The following L3MBTL4 variants were observed in gnomAD, a reference collection of about 807,000 sequenced individuals.
The protein encoded by L3MBTL4 is lethal(3)malignant brain tumor-like protein 4.
L3MBTL4 carries 70 observed loss-of-function variants against 84.5 expected under a neutral mutation model. The observed-to-expected ratio is 0.83, with a 90% confidence interval of 0.68 to 1.01. The LOEUF is 1.01. L3MBTL4 is among the 50% of genes least tolerant of loss of function. L3MBTL4 has a pLI of 0.00. For synonymous variants in L3MBTL4, 274 were observed against 259.8 expected (o/e 1.05, Z -0.52); for missense variants, 715 against 754.8 (o/e 0.95, Z 0.62).
chr18:6,277,975 C>T (rs1286943820), intron 4 of L3MBTL4, among the ~76,000 whole-genome samples: 1 of 151,888 alleles, frequency 6.6e-6, no homozygotes, highest in Non-Finnish European at 1.5e-5. Context: ...GTGGAGGAAC[C>T]ATACCTATGT....
At chr18:6,209,898 A>G (rs2046033002) in intron 12 of L3MBTL4, among the ~76,000 whole-genome samples, 1 of 152,224 alleles carries the variant, frequency 6.6e-6, no homozygotes, top group Non-Finnish European at 1.5e-5. Flanking sequence ...AAAAGATCAC[A>G]TATTATAGGA....
Position 6,398,302 on chromosome 18 carries a change from A to G in L3MBTL4, c.-91+16499T>C, listed in dbSNP as rs2055360548. 2.6e-5 allele frequency among the ~76,000 whole-genome samples: 4 copies of G among 152,196 alleles called. No homozygotes were observed. In the South Asian group the frequency reaches 8.3e-4, roughly 32 times the overall value. Reference sequence around the variant, plus strand: ...GAGTGTTAAGAGGTCAGAGGACAGAAAAGGGAGAAGTGGCTCTGTAATGAA... The same window carrying G: ...GAGTGTTAAGAGGTCAGAGGACAGAGAAGGGAGAAGTGGCTCTGTAATGAA... On this transcript the variant is annotated intron_variant, in intron 1 of 18. Transcript: ENST00000317931.
intron 13 of L3MBTL4, among the ~76,000 whole-genome samples, chr18:6,154,989 G>C (rs1411671776): frequency 6.6e-6 from 1 of 152,072 alleles, no homozygotes; most frequent in African/African-American, 2.4e-5. Context: ...AATATAAACT[G>C]CTCATTAAAG....
chr18:6,206,888 T>C (rs2045899924), intron 12 of L3MBTL4, among the ~76,000 whole-genome samples: 1 of 152,158 alleles, frequency 6.6e-6, no homozygotes, highest in African/African-American at 2.4e-5. Context: ...AAAAATCAGA[T>C]ATTGGAAAAA....
intron 1 of L3MBTL4, among the ~76,000 whole-genome samples, chr18:6,375,243 G>A (rs929100959): frequency 6.6e-6 from 1 of 151,678 alleles, no homozygotes; most frequent in Non-Finnish European, 1.5e-5. Flanking sequence ...ATGCCTCTAC[G>A]GCTTGGCTCT....
chr18:6,106,659 T>C (rs2059019597), intron 14 of L3MBTL4, among the ~76,000 whole-genome samples: 1 of 152,246 alleles, frequency 6.6e-6, no homozygotes, highest in Non-Finnish European at 1.5e-5. Context: ...TTTAAAGCTC[T>C]ATCCTAGCAA....
At chr18:6,399,052 A>G (rs1376066852) in intron 1 of L3MBTL4, among the ~76,000 whole-genome samples, 1 of 152,232 alleles carries the variant, frequency 6.6e-6, no homozygotes, top group Non-Finnish European at 1.5e-5. Flanking sequence ...CTGGTTTCCA[A>G]TGTACTTTTC....
At chr18:6,326,034 G>A (rs343264) in intron 1 of L3MBTL4, among the ~76,000 whole-genome samples, 7,395 of 152,248 alleles carry the variant, frequency 0.049, 208 homozygotes, top group East Asian at 0.1. Flanking sequence ...TGCATGCACT[G>A]CTCCTAACCA....
intron 16 of L3MBTL4, among the ~76,000 whole-genome samples, chr18:6,035,390 A>G (rs2056079696): frequency 6.6e-6 from 1 of 151,774 alleles, no homozygotes; most frequent in Non-Finnish European, 1.5e-5. Context: ...TCCCAGCACC[A>G]TTTATTAAAT....
At position 6,331,943 on chromosome 18, in the gene L3MBTL4, T is replaced by TA. The variant is rs112334259; in HGVS notation, c.-90-19888dup. On this transcript the variant is annotated intron_variant, in intron 1 of 18. Coordinates refer to ENST00000317931, the MANE Select transcript of L3MBTL4 (RefSeq NM_001330559.2). ...CAACAGTAGATTTACAAGGCGAGAT[T>TA]AAAAAAAAAAAAAGAGGAAATATGT... 4.6e-3 allele frequency among the ~76,000 whole-genome samples: 640 copies of TA among 139,332 alleles called. 4 individuals are homozygous for TA. Among genetic ancestry groups the TA allele is most frequent in the Middle Eastern group, 7.5e-3 (2 of 266 alleles). 91.4% of individuals were successfully genotyped at this position (139,332 alleles called of 152,430 possible).
chr18:6,360,058 C>T (rs542975743), intron 1 of L3MBTL4, among the ~76,000 whole-genome samples: 24 of 152,216 alleles, frequency 1.6e-4, no homozygotes, highest in African/African-American at 5.1e-4. Context: ...AGAAACAGAA[C>T]TCTATAAGGA....
At chr18:6,110,629 G>T (rs984186465) in intron 14 of L3MBTL4, among the ~76,000 whole-genome samples, 2 of 151,666 alleles carry the variant, frequency 1.3e-5, no homozygotes, top group Admixed American at 6.6e-5. Flanking sequence ...GTGTACATGT[G>T]GGTGCACATG....
intron 1 of L3MBTL4, among the ~76,000 whole-genome samples, chr18:6,350,298 G>A (rs2053120145): frequency 6.6e-6 from 1 of 152,156 alleles, no homozygotes; most frequent in Admixed American, 6.5e-5. Flanking sequence ...ACAATACCAA[G>A]AGAGTGGAAG....
At chr18:5,998,772 G>A (rs762540998) in intron 16 of L3MBTL4, among the ~76,000 whole-genome samples, 6 of 152,070 alleles carry the variant, frequency 3.9e-5, no homozygotes, top group Non-Finnish European at 8.8e-5. Flanking sequence ...TAAGGGTCAG[G>A]TAAAAGTCAA....
intron 16 of L3MBTL4, chr18:6,030,096 G>A (rs1198202987): frequency 1.0e-6 from 1 of 969,980 alleles, no homozygotes; most frequent in Non-Finnish European, 1.2e-6. Flanking sequence ...CGAGGAAACT[G>A]TTTAACAATG....
At chr18:6,070,434 A>G (rs1287327737) in intron 16 of L3MBTL4, among the ~76,000 whole-genome samples, 1 of 152,022 alleles carries the variant, frequency 6.6e-6, no homozygotes, top group African/African-American at 2.4e-5. Context: ...CTGCCAATCT[A>G]GAATTCTATA....
intron 14 of L3MBTL4, among the ~76,000 whole-genome samples, chr18:6,099,610 A>ATATATATG (rs2058751678): frequency 7.7e-6 from 1 of 129,984 alleles, no homozygotes; most frequent in Non-Finnish European, 1.7e-5. Flanking sequence ...ATATATATGG[A>ATATATATG]GAGAGAGAGA....
At chr18:6,256,014 G>A (rs1286058574) in intron 5 of L3MBTL4, among the ~76,000 whole-genome samples, 1 of 152,208 alleles carries the variant, frequency 6.6e-6, no homozygotes, top group Non-Finnish European at 1.5e-5. Context: ...TGACTGTCAA[G>A]TAATTTGGAA....
At chr18:6,367,469 G>A (rs2053984472) in intron 1 of L3MBTL4, 1 of 152,158 alleles carries the variant, frequency 6.6e-6, no homozygotes, top group Non-Finnish European at 1.5e-5. Flanking sequence ...CCTCCTCAGG[G>A]TGCTCTCCAC....
Sources: allele counts gnomAD v4.1 joint callset (sites outside exome capture counted in the v4.1 genomes callset), GRCh38; gene constraint gnomAD v4.1.1; transcripts MANE v1.5; gene names NCBI Gene and HGNC (gene_info 2026-07-23, HGNC 2026-07-21).